MFSD2A: variants seen among roughly 807,000 people sequenced by gnomAD.
The protein encoded by MFSD2A is MFSD2 lysolipid transporter A, lysophospholipid, also known as sodium-dependent lysophosphatidylcholine symporter 1.
A neutral mutation model predicts 64.7 loss-of-function variants in MFSD2A; 27 were observed. The observed-to-expected ratio is 0.42, with a 90% CI of 0.31 to 0.58. The LOEUF (loss-of-function observed/expected upper bound fraction) is 0.58. MFSD2A is among the 20% of genes least tolerant of loss of function. MFSD2A has a pLI of 0.18. For synonymous variants in MFSD2A, 258 were observed against 273.4 expected, an observed-to-expected ratio of 0.94 and a Z score of 0.55; for missense variants, 474 against 679.5, an observed-to-expected ratio of 0.70 and a Z score of 3.36.
Position 39,965,342 on chromosome 1 carries a change from TG to T in MFSD2A, c.477+11del. Reference sequence around the variant, plus strand: ...TTTGAAACAATGGTCACGGTGAGTGTGGGTACCTCCCTTGGGTGTCTCTAGG... The same window carrying T: ...TTTGAAACAATGGTCACGGTGAGTGTGGTACCTCCCTTGGGTGTCTCTAGG... On this transcript the variant is annotated intron_variant, in intron 4 of 13. Coordinates refer to ENST00000372811, the MANE Select transcript of MFSD2A (RefSeq NM_032793.5). This position sits in a 1 kb window ranked among gnomAD's most constrained non-coding sequence, Gnocchi z 5.5. The T allele has an allele frequency of 6.2e-7, 1 of 1,614,086 alleles. No homozygotes were observed. Among genetic ancestry groups the T allele is most frequent in the East Asian group, 2.2e-5 (1 of 44,870 alleles).
Position 39,955,423 on chromosome 1 carries a change from G to T in MFSD2A, c.93+38G>T. On this transcript the variant is annotated intron_variant, in intron 1 of 13. Coordinates refer to ENST00000372811, the MANE Select transcript of MFSD2A (RefSeq NM_032793.5). This position sits in a 1 kb window ranked among gnomAD's most constrained non-coding sequence, Gnocchi z 5.9. ...CACCCCGCGTGGAGGGCGAGGGGAG[G>T]GAGGAGGCGGAAATGGGGGATCAGG... is the stretch of plus-strand genomic sequence containing the variant. 6.7e-7 allele frequency: 1 copy of T among 1,503,684 alleles called. No individual in the cohort carries two copies. The allele number at this position is 1,503,684 out of a possible 1,614,324, so 93.1% of individuals were successfully genotyped here.
In MFSD2A at chr1:39,969,496, C is replaced by G; in HGVS notation, c.1530-9C>G. 1.3e-6 allele frequency: 2 copies of G among 1,598,032 alleles called. No homozygotes were observed. The highest frequency in any genetic ancestry group is 4.6e-5 in the East Asian group (2 of 43,282). Reference sequence around the variant, plus strand: ...GCTTCCTCCAACCCATCTCCTCTCTCTCTTGCAGGGACGAGGCCAGCAGCT... The same window carrying G: ...GCTTCCTCCAACCCATCTCCTCTCTGTCTTGCAGGGACGAGGCCAGCAGCT... On this transcript the variant is annotated splice_polypyrimidine_tract_variant and intron_variant, in intron 13 of 13. Coordinates refer to ENST00000372811, the MANE Select transcript of MFSD2A (RefSeq NM_032793.5).
chr1:39,961,700 T>C (rs1040019572), intron 3 of MFSD2A, among the ~76,000 whole-genome samples: 2 of 151,500 alleles, frequency 1.3e-5, no homozygotes, highest in Non-Finnish European at 2.9e-5. Flanking sequence ...TATATAGAGA[T>C]GGGGTCTTGT....
chr1:39,957,616 G>A (rs1029660312), intron 2 of MFSD2A, among the ~76,000 whole-genome samples: 1 of 152,238 alleles, frequency 6.6e-6, no homozygotes, highest in Non-Finnish European at 1.5e-5. Flanking sequence ...GCTTGTGGAT[G>A]AGATGCATCC....
chr1:39,965,334 G>T lies in MFSD2A; in HGVS notation c.477G>T (p.Thr159=), dbSNP rs368484982. 8 of 1,613,964 alleles carry T rather than the reference G, an allele frequency of 5.0e-6. No homozygotes were observed. Among genetic ancestry groups the T allele is most frequent in the Non-Finnish European group, 6.8e-6 (8 of 1,180,028 alleles). Residue 159 remains threonine, a splice_region_variant and synonymous_variant, in exon 4 of 14, where the codon ACG becomes ACT. Coordinates refer to ENST00000372811, the MANE Select transcript of MFSD2A (RefSeq NM_032793.5). The surrounding 1 kb of genome is among the most constrained non-coding windows in gnomAD (Gnocchi z 5.5). ...LFYCLFETMV[T]CFHVPYSALT... ...ATTGCCTCTTTGAAACAATGGTCAC[G>T]GTGAGTGTGGGTACCTCCCTTGGGT...
Position 39,960,027 on chromosome 1 carries a change from G to A in MFSD2A, c.353+1202G>A, listed in dbSNP as rs538211458. Among the ~76,000 whole-genome samples the A allele has an allele frequency of 1.7e-4, 26 of 152,352 alleles. No individual in the cohort carries two copies. In the South Asian group the frequency reaches 3.7e-3, roughly 22 times the overall value. On this transcript the variant is annotated intron_variant, in intron 3 of 13. Transcript: ENST00000372811. The surrounding 1 kb of genome is among the most constrained non-coding windows in gnomAD (Gnocchi z 4.8). ...CAGAGCAGGGGATGGGGTAATACCCGGAATGGGGTAGCAAACCCATAACCT... is the reference window on the plus strand; with the variant it reads ...CAGAGCAGGGGATGGGGTAATACCCAGAATGGGGTAGCAAACCCATAACCT...
At chr1:39,961,107 A>C (rs1645030640) in intron 3 of MFSD2A, among the ~76,000 whole-genome samples, 1 of 151,458 alleles carries the variant, frequency 6.6e-6, no homozygotes, top group African/African-American at 2.4e-5. Context: ...GAACATCACC[A>C]TGCCTGGCCA....
chr1:39,955,161 C>T lies in MFSD2A; in HGVS notation c.-132C>T, dbSNP rs1447286548. The T allele has an allele frequency of 3.1e-6, 2 of 638,064 alleles. No individual in the cohort carries two copies. Among genetic ancestry groups the T allele is most frequent in the Non-Finnish European group, 4.6e-6 (2 of 432,928 alleles). The allele number at this position is 638,064 out of a possible 1,614,324, so 39.5% of individuals were successfully genotyped here. On this transcript the variant is annotated 5_prime_UTR_variant, in exon 1 of 14. Transcript: ENST00000372811. The surrounding 1 kb of genome is among the most constrained non-coding windows in gnomAD (Gnocchi z 5.9). ...GCGTGCAGCAGAGTGCGTTCCTCGT[C>T]TGCCAGCCGGCTTGGCTAGCGCGCG...
intron 13 of MFSD2A, 73 bp from the exon 14 acceptor site, chr1:39,969,428 TGAGG>T (rs1348296469): frequency 3.8e-6 from 5 of 1,311,502 alleles, no homozygotes; most frequent in Admixed American, 4.5e-5. Flanking sequence ...CAAGATCACG[TGAGG>T]AAGGAGGCAG....
rs1645028074 is a variant in MFSD2A, at chr1:39,960,983, T to C, written c.353+2158T>C. Among the ~76,000 whole-genome samples, 1 of 152,146 alleles carries C rather than the reference T, an allele frequency of 6.6e-6. No individual in the cohort carries two copies. Among genetic ancestry groups the C allele is most frequent in the Non-Finnish European group, 1.5e-5 (1 of 68,020 alleles). ...GCATATGACCTCCCTGTCCAAACTTTTTTTCCTTTTTGTGGTGAATGGGGT... is the reference window on the plus strand; with the variant it reads ...GCATATGACCTCCCTGTCCAAACTTCTTTTCCTTTTTGTGGTGAATGGGGT... On this transcript the variant is annotated intron_variant, in intron 3 of 13. Transcript: ENST00000372811. The surrounding 1 kb of genome is among the most constrained non-coding windows in gnomAD (Gnocchi z 4.8).
At chr1:39,969,058 GT>G (rs2124783963) in intron 13 of MFSD2A, among the ~76,000 whole-genome samples, 1 of 152,312 alleles carries the variant, frequency 6.6e-6, no homozygotes, top group African/African-American at 2.4e-5. Flanking sequence ...TAAGTATCAG[GT>G]TCTTAGGGTT....
In MFSD2A at chr1:39,957,043, G is replaced by A. The variant is rs775506909; in HGVS notation, c.94-44G>A. On this transcript the variant is annotated intron_variant, in intron 1 of 13. Transcript: ENST00000372811. Reference sequence around the variant, plus strand: ...CCTTCCTGTGGAACCTTCTTGGATGGAGGCCAGAACCTTGGGCCTTTCATC... The same window carrying A: ...CCTTCCTGTGGAACCTTCTTGGATGAAGGCCAGAACCTTGGGCCTTTCATC... 4.3e-6 allele frequency: 7 copies of A among 1,610,566 alleles called. No individual in the cohort carries two copies. The South Asian group carries it at 7.7e-5, about 18-fold the overall frequency.
rs891055190 is a variant in MFSD2A, at chr1:39,964,043, A to G, written c.354-1168A>G. 2.6e-5 allele frequency among the ~76,000 whole-genome samples: 4 copies of G among 152,182 alleles called. No individual in the cohort carries two copies. Among genetic ancestry groups the G allele is most frequent in the Non-Finnish European group, 2.9e-5 (2 of 68,026 alleles). ...GAGCCACTGCGCCTAGCCTAAGTAC[A>G]TTCACTTTGTCGCCACCATCACCAC... On this transcript the variant is annotated intron_variant, in intron 3 of 13. Coordinates refer to ENST00000372811, the MANE Select transcript of MFSD2A (RefSeq NM_032793.5). The surrounding 1 kb of genome is among the most constrained non-coding windows in gnomAD (Gnocchi z 4.1).
chr1:39,965,527 G>A lies in MFSD2A; in HGVS notation c.534G>A (p.Glu178=), dbSNP rs751142863. ...TGTTCATCAGCACCGAGCAGACTGA[G>A]CGGGATTCTGCCACCGCCTATCGTG... ...LTMFISTEQT[E]RDSATAYRMT... The change falls in exon 5 of 14, where the codon GAG becomes GAA. Residue 178 remains glutamate (E), a synonymous_variant. Coordinates refer to ENST00000372811, the MANE Select transcript of MFSD2A (RefSeq NM_032793.5). The surrounding 1 kb of genome is among the most constrained non-coding windows in gnomAD (Gnocchi z 5.5). 2 of 1,614,022 alleles carry A rather than the reference G, an allele frequency of 1.2e-6. No homozygotes were observed. The highest frequency in any genetic ancestry group is 2.2e-5 in the South Asian group (2 of 91,076).
intron 3 of MFSD2A, chr1:39,962,994 G>A (rs1258220645): frequency 2.8e-5 from 42 of 1,508,734 alleles, no homozygotes; most frequent in Non-Finnish European, 3.4e-5. Flanking sequence ...GGTGGCCACC[G>A]CCATCCGTGG....
At chr1:39,961,130 C>T (rs1209124218) in intron 3 of MFSD2A, among the ~76,000 whole-genome samples, 1 of 151,500 alleles carries the variant, frequency 6.6e-6, no homozygotes, top group Non-Finnish European at 1.5e-5. Flanking sequence ...CCTCTCCATC[C>T]ATACCACCTG....
In MFSD2A at chr1:39,963,491, G is replaced by A; in HGVS notation, c.354-1720G>A. 2.1e-6 allele frequency: 1 copy of A among 467,086 alleles called. No individual in the cohort carries two copies. Among genetic ancestry groups the A allele is most frequent in the Non-Finnish European group, 3.8e-6 (1 of 263,712 alleles). 28.9% of individuals were successfully genotyped at this position (467,086 alleles called of 1,614,324 possible). On this transcript the variant is annotated intron_variant, in intron 3 of 13. Coordinates refer to ENST00000372811, the MANE Select transcript of MFSD2A (RefSeq NM_032793.5). The surrounding 1 kb of genome is among the most constrained non-coding windows in gnomAD (Gnocchi z 4.2). ...AGAGTCTTGCTATGTTGCACAGGCT[G>A]GACTCAAACTCCTGGGGAAAAGCAA...
In MFSD2A at chr1:39,964,697, GGTGTGTGTGAATGGGGTGT is replaced by G. The variant is rs1287696086; in HGVS notation, c.354-500_354-482del. ...TGTGTGAAGTGTGTATGTGAATGGGGGTGTGTGTGAATGGGGTGTGTGTGTGTGAATGATGTGTGTGTGA... is the reference window on the plus strand; with the variant it reads ...TGTGTGAAGTGTGTATGTGAATGGGGGTGTGTGTGAATGATGTGTGTGTGA... On this transcript the variant is annotated intron_variant, in intron 3 of 13. Transcript: ENST00000372811. This position sits in a 1 kb window ranked among gnomAD's most constrained non-coding sequence, Gnocchi z 4.1. The G allele has an allele frequency of 1.5e-3, 234 of 158,394 alleles. 4 individuals carry two copies. The Middle Eastern group carries it at 0.025, about 17-fold the overall frequency. The allele number at this position is 158,394 out of a possible 1,614,324, so 9.8% of individuals were successfully genotyped here. A position where few individuals can be genotyped will look rare whatever the true frequency, so the allele number is the denominator to read the frequency against.
Position 39,968,555 on chromosome 1 carries a change from C to T in MFSD2A, c.1353-14C>T, listed in dbSNP as rs377668312. The T allele has an allele frequency of 3.7e-6, 6 of 1,614,030 alleles. No individual in the cohort carries two copies. The highest frequency in any genetic ancestry group is 2.2e-5 in the East Asian group (1 of 44,860). On this transcript the variant is annotated splice_polypyrimidine_tract_variant and intron_variant, in intron 12 of 13. Transcript: ENST00000372811. This position sits in a 1 kb window ranked among gnomAD's most constrained non-coding sequence, Gnocchi z 4.4. Reference sequence around the variant, plus strand: ...CCCCATCTTCACCGTTCTCCTACCCCCTGGGTCCCATAGCTTTGCAGGGTA... The same window carrying T: ...CCCCATCTTCACCGTTCTCCTACCCTCTGGGTCCCATAGCTTTGCAGGGTA...
Sources: gnomAD v4.1 joint callset for allele counts (sites outside exome capture counted in the v4.1 genomes callset) on GRCh38, gnomAD v4.1.1 for gene constraint, Gnocchi (gnomAD v3.1) non-coding constraint, MANE v1.5 for transcripts, NCBI Gene and HGNC (gene_info 2026-07-23, HGNC 2026-07-21) for gene names.